XKR9: variants seen among roughly 807,000 people sequenced by gnomAD.
The protein encoded by XKR9 is XK related 9.
A neutral mutation model predicts 32.0 loss-of-function variants in XKR9; 32 were observed. The ratio of observed to expected loss-of-function variants is 1.00; its 90% CI spans 0.76 to 1.34. The LOEUF (loss-of-function observed/expected upper bound fraction) is 1.34. Ranked by LOEUF, XKR9 falls within the 40% of genes most tolerant of loss-of-function variation. The pLI is 0.00. For missense variants in XKR9, 546 were observed against 429.7 expected (o/e 1.27, Z -2.39); for synonymous variants, 168 against 143.4 (o/e 1.17, Z -1.22).
rs533045941 is a variant in XKR9, at chr8:70,752,834, C to A, written n.353-36505C>A. ...AAGCAGGAAAGATCAAAAATTGACA[C>A]CCTAACATCACAATTAAAAGAACTA... On this transcript the variant is annotated intron_variant and non_coding_transcript_variant, in intron 2 of 3. Transcript: ENST00000520273. Among the ~76,000 whole-genome samples, 198 of 152,166 alleles carry A rather than the reference C, an allele frequency of 1.3e-3. 1 individual carries two copies. Among genetic ancestry groups the A allele is most frequent in the African/African-American group, 4.4e-3 (184 of 41,506 alleles).
chr8:70,937,864 C>G, the XKR9 span, among the ~76,000 whole-genome samples: 1 of 152,046 alleles, frequency 6.6e-6, no homozygotes, highest in African/African-American at 2.4e-5. Flanking sequence ...CTATTTAGAT[C>G]TACCATTTTA....
chr8:70,710,884 C>A (rs935509753), intron 4 of XKR9, among the ~76,000 whole-genome samples: 1 of 152,088 alleles, frequency 6.6e-6, no homozygotes, highest in Non-Finnish European at 1.5e-5. Flanking sequence ...AACTATGCAT[C>A]CAGCAGAGGT....
the XKR9 span, among the ~76,000 whole-genome samples, chr8:70,825,708 T>C: frequency 7.2e-5 from 11 of 152,196 alleles, no homozygotes; most frequent in African/African-American, 2.4e-4. Context: ...TGTCTGTGAA[T>C]GTCATTGCTG....
At chr8:70,688,228 C>T (rs1206192895) in intron 3 of XKR9, among the ~76,000 whole-genome samples, 1 of 151,988 alleles carries the variant, frequency 6.6e-6, no homozygotes, top group East Asian at 1.9e-4. Flanking sequence ...AGAGGTAGAC[C>T]CTGGGAGAAA....
At chr8:70,874,162 A>T in the XKR9 span, among the ~76,000 whole-genome samples, 8 of 152,340 alleles carry the variant, frequency 5.3e-5, no homozygotes, top group East Asian at 1.5e-3. Context: ...TGCACAGGGA[A>T]ACCAAGAAGT....
chr8:70,904,293 G>A, the XKR9 span, among the ~76,000 whole-genome samples: 2 of 152,148 alleles, frequency 1.3e-5, no homozygotes, highest in Non-Finnish European at 2.9e-5. Context: ...TATGAATCTG[G>A]TTGCTCCTGT....
chr8:71,050,322 G>C, the XKR9 span, among the ~76,000 whole-genome samples: 1 of 145,386 alleles, frequency 6.9e-6, no homozygotes, highest in East Asian at 2.0e-4. Context: ...TATAGATATA[G>C]ATATATATGG....
At chr8:70,798,299 G>A in the XKR9 span, among the ~76,000 whole-genome samples, 1 of 152,158 alleles carries the variant, frequency 6.6e-6, no homozygotes, top group Non-Finnish European at 1.5e-5. Flanking sequence ...GCATTTCTCT[G>A]ATGATTAGTG....
At chr8:70,925,013 C>T in the XKR9 span, among the ~76,000 whole-genome samples, 1 of 152,182 alleles carries the variant, frequency 6.6e-6, no homozygotes, top group Non-Finnish European at 1.5e-5. Flanking sequence ...TCATTAAAAT[C>T]ATGCTCTCTG....
At chr8:70,951,872 G>T in the XKR9 span, among the ~76,000 whole-genome samples, 158 of 97,922 alleles carry the variant, frequency 1.6e-3, 1 homozygote, top group Middle Eastern at 9.3e-3. Context: ...ATCATTGGGG[G>T]GGGGGTGGTT....
the XKR9 span, among the ~76,000 whole-genome samples, chr8:70,875,055 C>T: frequency 2.6e-5 from 4 of 152,058 alleles, no homozygotes; most frequent in Middle Eastern, 3.2e-3. Flanking sequence ...TACTAGAAAG[C>T]GAGGGACTGA....
the XKR9 span, among the ~76,000 whole-genome samples, chr8:70,945,091 G>A: frequency 3.0e-4 from 46 of 152,328 alleles, no homozygotes; most frequent in Middle Eastern, 3.4e-3. Context: ...ATTAAAAAGT[G>A]TTAGAGGGAT....
At chr8:70,994,297 T>G in the XKR9 span, among the ~76,000 whole-genome samples, 1 of 152,150 alleles carries the variant, frequency 6.6e-6, no homozygotes, top group Admixed American at 6.6e-5. Context: ...GGTCTACTGG[T>G]GATGAATTCT....
downstream of XKR9, among the ~76,000 whole-genome samples, chr8:70,791,941 A>C (rs1054052565): frequency 1.3e-5 from 2 of 152,092 alleles, no homozygotes; most frequent in East Asian, 3.9e-4. Flanking sequence ...CAGAGGGGCC[A>C]AGTGACTTAG....
At chr8:70,725,513 A>G (rs1806433739) in intron 4 of XKR9, among the ~76,000 whole-genome samples, 1 of 152,096 alleles carries the variant, frequency 6.6e-6, no homozygotes, top group South Asian at 2.1e-4. Flanking sequence ...GGGGGTTACA[A>G]TTGAGGGGTG....
At chr8:70,837,672 G>C in the XKR9 span, among the ~76,000 whole-genome samples, 1 of 152,100 alleles carries the variant, frequency 6.6e-6, no homozygotes. Context: ...TGGTCGTGCT[G>C]GTCTCAACCC....
intron 2 of XKR9, among the ~76,000 whole-genome samples, chr8:70,752,605 C>A (rs945738748): frequency 5.3e-5 from 8 of 152,188 alleles, no homozygotes; most frequent in Non-Finnish European, 8.8e-5. Context: ...AAGCTCCCAA[C>A]ATAGCTACAA....
chr8:71,042,581 G>A, the XKR9 span, among the ~76,000 whole-genome samples: 607 of 152,256 alleles, frequency 4.0e-3, 17 homozygotes, highest in Admixed American at 0.037. Flanking sequence ...AGTAAGTGCT[G>A]TGTATTTATT....
the XKR9 span, among the ~76,000 whole-genome samples, chr8:70,932,426 CA>C: frequency 6.6e-6 from 1 of 152,156 alleles, no homozygotes; most frequent in Middle Eastern, 3.4e-3. Flanking sequence ...TAGTCTAGGT[CA>C]GAGTTGGCAT....
Sources: allele counts gnomAD v4.1 joint callset (sites outside exome capture counted in the v4.1 genomes callset), GRCh38; gene constraint gnomAD v4.1.1; transcripts MANE v1.5; gene names NCBI Gene and HGNC (gene_info 2026-07-23, HGNC 2026-07-21).